LRP1B: variants seen among roughly 807,000 people sequenced by gnomAD.
The protein encoded by LRP1B is LDL receptor related protein 1B.
A neutral mutation model predicts 556.6 loss-of-function variants in LRP1B; 217 were observed. That is an observed-to-expected ratio of 0.39 (90% CI 0.35 to 0.44). The LOEUF (loss-of-function observed/expected upper bound fraction) is 0.44, where lower values mean the gene tolerates loss of function less well. LRP1B is among the 20% of genes least tolerant of loss of function. The pLI is 1.00. For synonymous variants in LRP1B, 2,047 were observed against 1,865.8 expected, an observed-to-expected ratio of 1.10 and a Z score of -2.50; for missense variants, 5,053 against 5,620.8, an observed-to-expected ratio of 0.90 and a Z score of 3.23.
At chr2:141,450,827 A>G (rs1432008495) in intron 3 of LRP1B, among the ~76,000 whole-genome samples, 1 of 152,152 alleles carries the variant, frequency 6.6e-6, no homozygotes, top group Non-Finnish European at 1.5e-5. Context: ...TATACAATAT[A>G]TTTATTAACT....
intron 32 of LRP1B, among the ~76,000 whole-genome samples, chr2:140,781,958 T>A (rs1174396933): frequency 6.6e-6 from 1 of 152,242 alleles, no homozygotes; most frequent in African/African-American, 2.4e-5. Flanking sequence ...TCCTGTCTTG[T>A]AATTCTTTAT....
intron 1 of LRP1B, among the ~76,000 whole-genome samples, chr2:142,056,818 C>G (rs973050053): frequency 6.6e-6 from 1 of 150,964 alleles, no homozygotes; most frequent in Non-Finnish European, 1.5e-5. Context: ...ATTTTCCTTC[C>G]TCCTTCTCCC....
chr2:141,965,807 AAAAAAAG>A (rs1218123162), intron 1 of LRP1B, among the ~76,000 whole-genome samples: 46 of 149,346 alleles, frequency 3.1e-4, no homozygotes, highest in African/African-American at 1.1e-3. Flanking sequence ...CCAAAAAAAA[AAAAAAAG>A]AAAATTGTTT....
chr2:141,393,311 G>T (rs985093760), intron 3 of LRP1B, among the ~76,000 whole-genome samples: 1 of 152,026 alleles, frequency 6.6e-6, no homozygotes, highest in Non-Finnish European at 1.5e-5. Flanking sequence ...TAACAGCACC[G>T]CAATGTGAGT....
chr2:142,032,951 A>C (rs1703756968), intron 1 of LRP1B, among the ~76,000 whole-genome samples: 1 of 151,918 alleles, frequency 6.6e-6, no homozygotes, highest in African/African-American at 2.4e-5. Context: ...CTTGAGGAAA[A>C]TCTTTTGACC....
chr2:140,813,706 G>A lies in LRP1B; in HGVS notation c.5310C>T (p.Ile1770=), dbSNP rs180963536. The change falls in exon 32 of 91, where the codon ATC becomes ATT. Residue 1770 remains isoleucine, a synonymous_variant. Transcript: ENST00000389484. The part of the protein sequence containing the change: ...CNLDGGNLEV[I]ESMKEELTKA... Reference sequence around the variant, plus strand: ...TTGTTAATTCTTCTTTCATTGACTCGATTACTTCTAAATTACCACCATCCA... The same window carrying A: ...TTGTTAATTCTTCTTTCATTGACTCAATTACTTCTAAATTACCACCATCCA... 2.1e-4 allele frequency: 340 copies of A among 1,612,640 alleles called. 2 individuals are homozygous for A. Among genetic ancestry groups the A allele is most frequent in the Non-Finnish European group, 2.4e-4 (282 of 1,178,908 alleles).
intron 66 of LRP1B, among the ~76,000 whole-genome samples, chr2:140,398,854 A>G (rs917542606): frequency 1.3e-5 from 2 of 152,166 alleles, no homozygotes; most frequent in African/African-American, 2.4e-5. Flanking sequence ...GTCTAAATGT[A>G]TAACTTGTGA....
intron 35 of LRP1B, among the ~76,000 whole-genome samples, chr2:140,753,011 A>T (rs1419211836): frequency 6.6e-6 from 1 of 151,834 alleles, no homozygotes; most frequent in Non-Finnish European, 1.5e-5. Flanking sequence ...CTGCCCTAAA[A>T]CTCCTCTATG....
rs1379191555 is a variant in LRP1B, at chr2:140,813,744, T to C, written c.5272A>G (p.Asn1758Asp). 1.2e-6 allele frequency: 2 copies of C among 1,610,162 alleles called. No homozygotes were observed. Among genetic ancestry groups the C allele is most frequent in the South Asian group, 1.1e-5 (1 of 90,984 alleles). The change falls in exon 32 of 91, where the codon AAT (asparagine) becomes GAT (aspartate). Residue 1758 changes from asparagine (N) to aspartate (D), a missense_variant. Transcript: ENST00000389484. ...YWISSGNGTINRCNLDGGNLE... is the reference protein window; with the variant it reads ...YWISSGNGTIDRCNLDGGNLE... ...TTACCACCATCCAGGTTGCATCTAT[T>C]TATGGTTCCATTCCCTGAACTGATC...
chr2:142,072,216 A>G (rs917765207), intron 1 of LRP1B, among the ~76,000 whole-genome samples: 1 of 151,964 alleles, frequency 6.6e-6, no homozygotes, highest in African/African-American at 2.4e-5. Context: ...CCTACTGATC[A>G]GATGATCTTG....
In LRP1B at chr2:140,769,215, G is replaced by T; in HGVS notation, c.5756C>A (p.Ala1919Glu). ...ATTATGACTAAAAAGCTATTTACCT[G>T]CATGGAAATCTATTCCCACGGCAAA... ...TSFAVGIDFH[A>E]ENDTIYWTDM... The change falls in exon 35 of 91, where the codon GCA (alanine) becomes GAA (glutamate). Residue 1919 changes from alanine (A) to glutamate (E), a missense_variant and splice_region_variant. By Grantham distance (107) the Ala-to-Glu change is moderately radical. Around this residue, in one of 5 missense-constraint regions of LRP1B, gnomAD observed 3,619 missense variants for 3,931.9 expected, o/e 0.92. Transcript: ENST00000389484. The T allele has an allele frequency of 6.2e-7, 1 of 1,610,814 alleles. No individual in the cohort carries two copies. The highest frequency in any genetic ancestry group is 1.1e-5 in the South Asian group (1 of 90,946).
chr2:140,867,438 TTAAAA>T (rs1236833229), intron 27 of LRP1B, 147 bp downstream of exon 27: 12 of 732,168 alleles, frequency 1.6e-5, no homozygotes, highest in Admixed American at 3.7e-5. Context: ...TCTAAACCAG[TTAAAA>T]TAAAGGTTGA....
intron 11 of LRP1B, among the ~76,000 whole-genome samples, chr2:141,031,188 C>G (rs577344704): frequency 6.6e-6 from 1 of 150,906 alleles, no homozygotes; most frequent in Admixed American, 6.6e-5. Flanking sequence ...GACCATCAGA[C>G]CATGGAGTGT....
chr2:140,363,133 G>T (rs1020816710), intron 72 of LRP1B, among the ~76,000 whole-genome samples: 3 of 151,566 alleles, frequency 2.0e-5, no homozygotes, highest in African/African-American at 7.3e-5. Flanking sequence ...ATCATTGCTG[G>T]AAATAGAGTG....
intron 43 of LRP1B, among the ~76,000 whole-genome samples, chr2:140,566,446 A>G (rs969090428): frequency 1.3e-5 from 2 of 152,010 alleles, no homozygotes; most frequent in Non-Finnish European, 2.9e-5. Flanking sequence ...CTTTATCTAT[A>G]CCTTCTAGCC....
At chr2:141,323,700 C>T (rs1210544031) in intron 3 of LRP1B, among the ~76,000 whole-genome samples, 1 of 152,050 alleles carries the variant, frequency 6.6e-6, no homozygotes. Flanking sequence ...AGATGTTACT[C>T]CAACTTGGCT....
intron 2 of LRP1B, among the ~76,000 whole-genome samples, chr2:141,809,937 T>C (rs1696283156): frequency 6.6e-6 from 1 of 151,980 alleles, no homozygotes; most frequent in African/African-American, 2.4e-5. Context: ...CATTTTTTTC[T>C]AGTGTTAACA....
At chr2:141,060,378 T>C (rs1466838682) in intron 8 of LRP1B, among the ~76,000 whole-genome samples, 3 of 151,768 alleles carry the variant, frequency 2.0e-5, no homozygotes, top group Admixed American at 6.6e-5. Context: ...GTTGTATTTA[T>C]GTGTGGGTCC....
chr2:141,474,364 C>T (rs974058582), intron 3 of LRP1B, among the ~76,000 whole-genome samples: 2 of 152,174 alleles, frequency 1.3e-5, no homozygotes, highest in East Asian at 3.9e-4. Context: ...TACCATTTAG[C>T]TTGGTCCATT....
Sources: gnomAD v4.1 joint callset for allele counts (sites outside exome capture counted in the v4.1 genomes callset) on GRCh38, gnomAD v4.1.1 for gene constraint, gnomAD v4.1.1 regional missense constraint, MANE v1.5 for transcripts, NCBI Gene and HGNC (gene_info 2026-07-23, HGNC 2026-07-21) for gene names.